Variants in GAD2 observed in about 807,000 individuals in gnomAD.
GAD2 encodes the protein glutamate decarboxylase 2, also known as 65 kDa glutamic acid decarboxylase.
Under a neutral mutation model 80.1 loss-of-function variants are expected in GAD2, and 22 were observed. That is an observed-to-expected ratio of 0.27 (90% CI 0.20 to 0.39). The LOEUF (loss-of-function observed/expected upper bound fraction) is 0.39, where lower values mean the gene tolerates loss of function less well. GAD2 is among the 10% of genes least tolerant of loss of function. The pLI, the probability that GAD2 is intolerant of heterozygous loss-of-function variation, is 1.00. For synonymous variants in GAD2, 274 were observed against 256.9 expected (o/e 1.07, Z -0.64); for missense variants, 624 against 738.4 (o/e 0.85, Z 1.80).
rs1834334000 is a variant in GAD2, at chr10:26,302,040, G to A, written c.*1079G>A. 1.3e-5 allele frequency: 2 copies of A among 152,172 alleles called. No individual in the cohort carries two copies. Among genetic ancestry groups the A allele is most frequent in the South Asian group, 2.1e-4 (1 of 4,818 alleles). 9.4% of individuals were successfully genotyped at this position (152,172 alleles called of 1,614,324 possible). ...GAGGAATGAAGCACACTCCCAGAATGTGGTGAGCCCAGAAAATTAAAGTTG... is the reference window on the plus strand; with the variant it reads ...GAGGAATGAAGCACACTCCCAGAATATGGTGAGCCCAGAAAATTAAAGTTG... On this transcript the variant is annotated 3_prime_UTR_variant, in exon 16 of 16. Coordinates refer to ENST00000376261, the MANE Select transcript of GAD2 (RefSeq NM_001134366.2).
rs1323740764 is a variant in GAD2 at position 26,217,126 on chromosome 10, C to A, written c.76+241C>A. On this transcript the variant is annotated intron_variant, in intron 1 of 15. Coordinates refer to ENST00000376261, the MANE Select transcript of GAD2 (RefSeq NM_001134366.2). This position sits in a 1 kb window ranked among gnomAD's most constrained non-coding sequence, Gnocchi z 4.9. ...TTCCACAGAAGGTTGGAAGAGCCCC[C>A]CAAAGACCGCGGTGTCTCGGGGACA... is the stretch of plus-strand genomic sequence containing the variant. Among the ~76,000 whole-genome samples the A allele has an allele frequency of 2.6e-5, 4 of 152,078 alleles. No homozygotes were observed. The highest frequency in any genetic ancestry group is 7.2e-5 in the African/African-American group (3 of 41,500).
intron 7 of GAD2, among the ~76,000 whole-genome samples, chr10:26,234,352 A>T (rs1844644170): frequency 6.6e-6 from 1 of 151,698 alleles, no homozygotes; most frequent in Non-Finnish European, 1.5e-5. Flanking sequence ...AAAAAAAAAA[A>T]AATCCCACCT....
intron 3 of GAD2, among the ~76,000 whole-genome samples, chr10:26,218,644 C>A (rs1376824108): frequency 6.6e-6 from 1 of 151,322 alleles, no homozygotes; most frequent in African/African-American, 2.4e-5. Context: ...TGCACCTGTT[C>A]CACTTTGGTT....
In GAD2 at chr10:26,304,544, G is replaced by A. The variant is rs979513017; in HGVS notation, c.*3583G>A. On this transcript the variant is annotated 3_prime_UTR_variant, in exon 16 of 16. Transcript: ENST00000376261. ...TGTCTCTCTAAACCCAAATAAATGT[G>A]TAAATGTGGACACATCTCAGCCTGT... is the stretch of plus-strand genomic sequence containing the variant. 6.6e-6 allele frequency: 1 copy of A among 152,614 alleles called. No homozygotes were observed. Among genetic ancestry groups the A allele is most frequent in the Non-Finnish European group, 1.5e-5 (1 of 68,028 alleles). The allele number at this position is 152,614 out of a possible 1,614,324, so 9.5% of individuals were successfully genotyped here.
At chr10:26,241,075 T>C (rs186666292) in intron 7 of GAD2, among the ~76,000 whole-genome samples, 56 of 151,932 alleles carry the variant, frequency 3.7e-4, no homozygotes, top group Non-Finnish European at 2.9e-5. Flanking sequence ...GTGAGAGAAA[T>C]TATTCTTCCA....
Position 26,217,501 on chromosome 10 carries a change from C to G in GAD2, c.77-109C>G. 8.5e-7 allele frequency: 1 copy of G among 1,173,568 alleles called. No homozygotes were observed. Among genetic ancestry groups the G allele is most frequent in the Non-Finnish European group, 1.2e-6 (1 of 805,492 alleles). The allele number at this position is 1,173,568 out of a possible 1,614,324, so 72.7% of individuals were successfully genotyped here. On this transcript the variant is annotated intron_variant, in intron 1 of 15. Coordinates refer to ENST00000376261, the MANE Select transcript of GAD2 (RefSeq NM_001134366.2). This position sits in a 1 kb window ranked among gnomAD's most constrained non-coding sequence, Gnocchi z 4.9. ...TGAGCGGCCCCCAGGAGGAAGGCGG[C>G]CCCTCCTAGGACCCCGGACTGATTG...
chr10:26,244,015 T>C (rs6482543), intron 7 of GAD2, among the ~76,000 whole-genome samples: 4,019 of 150,450 alleles, frequency 0.027, 191 homozygotes, highest in African/African-American at 0.092. Context: ...CTCAAAAATC[T>C]CAACAAGAAC....
intron 12 of GAD2, among the ~76,000 whole-genome samples, chr10:26,285,716 T>C (rs929726802): frequency 6.6e-6 from 1 of 152,034 alleles, no homozygotes; most frequent in Admixed American, 6.6e-5. Flanking sequence ...GAGAGGAATA[T>C]GACATTTGAA....
intron 12 of GAD2, among the ~76,000 whole-genome samples, chr10:26,285,783 A>G (rs1266822606): frequency 6.8e-6 from 1 of 146,490 alleles, no homozygotes; most frequent in Non-Finnish European, 1.5e-5. Flanking sequence ...TTTTTTTTTT[A>G]GATTTTAGCA....
chr10:26,242,562 G>T (rs898871359), intron 7 of GAD2, among the ~76,000 whole-genome samples: 2 of 152,082 alleles, frequency 1.3e-5, no homozygotes, highest in African/African-American at 4.8e-5. Context: ...CCTCTCCATG[G>T]ATTCCTTTCT....
rs748346267 is a variant in GAD2 at position 26,300,876 on chromosome 10, G to A, written c.1673G>A (p.Arg558His). Residue 558 changes from arginine (R) to histidine (H), a missense_variant, in exon 16 of 16, where the codon CGC (arginine) becomes CAC (histidine). Coordinates refer to ENST00000376261, the MANE Select transcript of GAD2 (RefSeq NM_001134366.2). ...TTGGGAGACAAGGTCAATTTCTTCC[G>A]CATGGTCATCTCAAACCCAGCGGCA... ...QPLGDKVNFF[R>H]MVISNPAATH... 14 of 1,613,680 alleles carry A rather than the reference G, an allele frequency of 8.7e-6. No individual in the cohort carries two copies. The highest frequency in any genetic ancestry group is 1.1e-5 in the Non-Finnish European group (13 of 1,179,734).
At position 26,284,771 on chromosome 10, in the gene GAD2, G is replaced by A. The variant is rs547380889; in HGVS notation, c.1237-1574G>A. ...TTTTTAGTAGAGATGGGGTTTCACC[G>A]TGTTAGCCAGGATGGTTTCAATCTC... On this transcript the variant is annotated intron_variant, in intron 12 of 15. Coordinates refer to ENST00000376261, the MANE Select transcript of GAD2 (RefSeq NM_001134366.2). Among the ~76,000 whole-genome samples, 22 of 152,012 alleles carry A rather than the reference G, an allele frequency of 1.4e-4. No homozygotes were observed. In the South Asian group the frequency reaches 1.7e-3, roughly 12 times the overall value.
chr10:26,229,885 C>A, intron 7 of GAD2, 108 bp downstream of exon 7: 1 of 778,940 alleles, frequency 1.3e-6, no homozygotes, highest in Non-Finnish European at 2.1e-6. Flanking sequence ...TTCTGGAAGA[C>A]ACCTTGGGAG....
Position 26,237,504 on chromosome 10 carries a change from G to A in GAD2, c.840+7727G>A, listed in dbSNP as rs1198240161. On this transcript the variant is annotated intron_variant, in intron 7 of 15. Coordinates refer to ENST00000376261, the MANE Select transcript of GAD2 (RefSeq NM_001134366.2). ...TGAGCCCCTCACAGATGACACTGTC[G>A]TTAGAAGGAGCTGAGCCCAACCAGG... 6.6e-5 allele frequency among the ~76,000 whole-genome samples: 10 copies of A among 151,934 alleles called. No individual in the cohort carries two copies. In the East Asian group the frequency reaches 7.7e-4, roughly 12 times the overall value.
At chr10:26,288,961 G>C (rs1485748250) in intron 13 of GAD2, among the ~76,000 whole-genome samples, 1 of 152,146 alleles carries the variant, frequency 6.6e-6, no homozygotes, top group East Asian at 1.9e-4. Flanking sequence ...GGGATGAAAA[G>C]AGCAAATCAC....
chr10:26,287,320 G>T (rs1281854032), intron 13 of GAD2, among the ~76,000 whole-genome samples: 6 of 152,152 alleles, frequency 3.9e-5, no homozygotes, highest in Admixed American at 1.3e-4. Context: ...GAGGAAACCT[G>T]ACATAAGAAA....
At chr10:26,287,381 C>T (rs8190777) in intron 13 of GAD2, among the ~76,000 whole-genome samples, 92 of 152,238 alleles carry the variant, frequency 6.0e-4, no homozygotes, top group Non-Finnish European at 1.2e-3. Context: ...GAGAGAGTCT[C>T]TCTAAGAGAA....
At chr10:26,286,255 C>A (rs780235766) in intron 12 of GAD2, 90 bp from the exon 13 acceptor site, 86 of 1,166,912 alleles carry the variant, frequency 7.4e-5, no homozygotes, top group Non-Finnish European at 4.6e-5. Context: ...TATGCAATGT[C>A]TCTTACTTCT....
At chr10:26,222,272 C>A (rs1844462419) in intron 4 of GAD2, among the ~76,000 whole-genome samples, 1 of 152,182 alleles carries the variant, frequency 6.6e-6, no homozygotes, top group African/African-American at 2.4e-5. Context: ...CCCTCACAAT[C>A]TCTCTCCATC....
Sources: gnomAD v4.1 joint callset for allele counts (sites outside exome capture counted in the v4.1 genomes callset) on GRCh38, gnomAD v4.1.1 for gene constraint, Gnocchi (gnomAD v3.1) non-coding constraint, MANE v1.5 for transcripts, NCBI Gene and HGNC (gene_info 2026-07-23, HGNC 2026-07-21) for gene names.